Variants in DNASE1 observed in about 807,000 individuals in gnomAD.
DNASE1 encodes the protein deoxyribonuclease 1, also known as deoxyribonuclease-1.
In DNASE1, 40 loss-of-function variants were observed where a neutral mutation model predicts 33.9. The ratio of observed to expected loss-of-function variants is 1.18; its 90% CI spans 0.92 to 1.54. DNASE1 has a LOEUF of 1.54. Among genes scored for constraint, DNASE1 ranks in the 40% most tolerant of loss-of-function variants. DNASE1 has a pLI of 0.00. For synonymous variants in DNASE1, 216 were observed against 160.0 expected, an observed-to-expected ratio of 1.35 and a Z score of -2.64; for missense variants, 518 against 372.6, an observed-to-expected ratio of 1.39 and a Z score of -3.21.
chr16:3,636,535 G>A (rs1168830572), intron 1 of DNASE1, among the ~76,000 whole-genome samples: 1 of 152,136 alleles, frequency 6.6e-6, no homozygotes, highest in Non-Finnish European at 1.5e-5. Context: ...AAAAGGAACT[G>A]AGGAGGCCGG....
intron 1 of DNASE1, among the ~76,000 whole-genome samples, chr16:3,625,022 G>A (rs2041460190): frequency 6.6e-6 from 1 of 152,080 alleles, no homozygotes; most frequent in South Asian, 2.1e-4. Flanking sequence ...AAAACTTAAT[G>A]GGGGCCGGGG....
At chr16:3,658,740 T>G (rs2042878174), downstream of DNASE1, 3 of 1,541,398 alleles carry the variant, frequency 1.9e-6, no homozygotes, top group Non-Finnish European at 2.7e-6. Context: ...GAAGGCAGGC[T>G]GGCAGGGCTG....
chr16:3,662,901 G>A (rs565099748), downstream of DNASE1: 87 of 1,613,436 alleles, frequency 5.4e-5, 1 homozygote, highest in South Asian at 6.1e-4. Context: ...GGTGACACGC[G>A]ACCCCAGCAC....
rs1297142810 is a variant in DNASE1, at chr16:3,657,384, A to G, written c.704+43A>G. 8.1e-6 allele frequency: 13 copies of G among 1,605,166 alleles called. No homozygotes were observed. In the Admixed American group the frequency reaches 2.2e-4, roughly 27 times the overall value. On this transcript the variant is annotated intron_variant, in intron 7 of 8. Coordinates refer to ENST00000246949, the MANE Select transcript of DNASE1 (RefSeq NM_005223.4). ...CTTAGGGCAGACTGAGGGCACCTCC[A>G]AGGGCAGCCGTGACTCATAGGTCGG...
intron 1 of DNASE1, among the ~76,000 whole-genome samples, chr16:3,615,451 A>G (rs986452068): frequency 6.6e-6 from 1 of 152,114 alleles, no homozygotes; most frequent in Non-Finnish European, 1.5e-5. Flanking sequence ...AGTATGACTA[A>G]GTTGAGGGGC....
At position 3,654,767 on chromosome 16, in the gene DNASE1, C is replaced by T. The variant is rs1413325425; in HGVS notation, c.-279C>T. On this transcript the variant is annotated 5_prime_UTR_variant, in exon 1 of 9. Transcript: ENST00000246949. ...AGCAACCCACCTATGCGGAAAGCCA[C>T]ACAGAGCCATTGTTTTCTGCACTCT... 7.5e-6 allele frequency: 3 copies of T among 400,206 alleles called. No individual in the cohort carries two copies. In the South Asian group the frequency reaches 3.8e-4, roughly 50 times the overall value. The allele number at this position is 400,206 out of a possible 1,614,324, so 24.8% of individuals were successfully genotyped here.
downstream of DNASE1, chr16:3,658,311 GTT>G: frequency 8.6e-7 from 1 of 1,169,116 alleles, no homozygotes; most frequent in Non-Finnish European, 1.2e-6. Context: ...GAGTCTCACT[GTT>G]GCCGAGGCTG....
intron 1 of DNASE1, among the ~76,000 whole-genome samples, chr16:3,612,422 T>C (rs910270740): frequency 2.1e-4 from 32 of 152,092 alleles, no homozygotes; most frequent in African/African-American, 7.5e-4. Context: ...AGCTAATTTT[T>C]GTGTTTTTAG....
In DNASE1 at chr16:3,655,884, G is replaced by C; in HGVS notation, c.183G>C (p.Glu61Asp). The change falls in exon 3 of 9, where the codon GAG (glutamate) becomes GAC (aspartate). Residue 61 changes from glutamate (E) to aspartate (D), a missense_variant. Transcript: ENST00000246949. ...LSRYDIALVQEVRDSHLTAVG... is the reference protein window; with the variant it reads ...LSRYDIALVQDVRDSHLTAVG... ...GCTATGACATCGCCCTGGTCCAGGA[G>C]GTCAGAGACAGCCACCTGACTGCCG... 6.2e-7 allele frequency: 1 copy of C among 1,614,020 alleles called. No homozygotes were observed. The highest frequency in any genetic ancestry group is 2.2e-5 in the East Asian group (1 of 44,876).
At chr16:3,611,772 G>A (rs996609926) in exon 1 of DNASE1, 2 of 152,176 alleles carry the variant, frequency 1.3e-5, no homozygotes, top group African/African-American at 4.8e-5. Context: ...GGCGGAAGCG[G>A]CGCTTGCTTC....
At chr16:3,657,428 C>A in intron 7 of DNASE1, 87 bp downstream of exon 7, 1 of 1,526,652 alleles carries the variant, frequency 6.6e-7, no homozygotes, top group South Asian at 1.2e-5. Context: ...AGCCTCAAAG[C>A]CTTTGAACAC....
At chr16:3,648,622 C>G (rs1247772413) in intron 1 of DNASE1, among the ~76,000 whole-genome samples, 1 of 152,176 alleles carries the variant, frequency 6.6e-6, no homozygotes, top group Non-Finnish European at 1.5e-5. Context: ...GCACTCCAGC[C>G]TAGACAACGT....
chr16:3,657,328 T>C lies in DNASE1; in HGVS notation c.691T>C (p.Cys231Arg), dbSNP rs767031004. Residue 231 changes from cysteine (C) to arginine (R), a missense_variant, in exon 7 of 9, where the codon TGT becomes CGT. Transcript: ENST00000246949. Reference sequence around the variant, plus strand: ...TGACACCACAGCTACACCCACGCACTGTGCCTATGACAGGTGAGCAGGGCC... The same window carrying C: ...TGACACCACAGCTACACCCACGCACCGTGCCTATGACAGGTGAGCAGGGCC... ...SADTTATPTH[C>R]AYDRIVVAGM... 2 of 1,613,322 alleles carry C rather than the reference T, an allele frequency of 1.2e-6. No individual in the cohort carries two copies. The highest frequency in any genetic ancestry group is 1.3e-5 in the African/African-American group (1 of 74,926).
downstream of DNASE1, chr16:3,662,236 C>A (rs888114118): frequency 1.4e-6 from 2 of 1,439,452 alleles, no homozygotes; most frequent in Non-Finnish European, 1.9e-6. Context: ...AGGTAGCAGG[C>A]GGGGTCTCAA....
downstream of DNASE1, chr16:3,658,811 A>G (rs771458203): frequency 6.2e-7 from 1 of 1,613,870 alleles, no homozygotes; most frequent in Non-Finnish European, 8.5e-7. Flanking sequence ...CCAGCAGCTG[A>G]GCCAGGCCAG....
At chr16:3,626,987 T>A (rs1443210114) in intron 1 of DNASE1, among the ~76,000 whole-genome samples, 1 of 151,934 alleles carries the variant, frequency 6.6e-6, no homozygotes, top group Non-Finnish European at 1.5e-5. Context: ...TTCTCCTGCC[T>A]CCGTCTTCTG....
downstream of DNASE1, chr16:3,661,797 G>T: frequency 1.6e-6 from 1 of 615,774 alleles, no homozygotes; most frequent in Non-Finnish European, 2.5e-6. Context: ...GACACCTGGG[G>T]ATGGTAAGGG....
At chr16:3,618,628 C>T (rs745956556) in intron 1 of DNASE1, among the ~76,000 whole-genome samples, 19 of 152,102 alleles carry the variant, frequency 1.2e-4, no homozygotes. Context: ...ACTCGGGAGG[C>T]TGAGGCAGGA....
At chr16:3,658,308 A>C (rs1596666837), downstream of DNASE1, 1 of 1,202,046 alleles carries the variant, frequency 8.3e-7, no homozygotes, top group Non-Finnish European at 1.2e-6. Flanking sequence ...ACAGAGTCTC[A>C]CTGTTGCCGA....
Sources: allele counts gnomAD v4.1 joint callset (sites outside exome capture counted in the v4.1 genomes callset), GRCh38; gene constraint gnomAD v4.1.1; transcripts MANE v1.5; gene names NCBI Gene and HGNC (gene_info 2026-07-23, HGNC 2026-07-21).